The following B3GLCT variants were observed in gnomAD, a reference collection of about 807,000 sequenced individuals.
B3GLCT encodes beta 3-glucosyltransferase.
A neutral mutation model predicts 63.4 loss-of-function variants in B3GLCT; 65 were observed. The observed-to-expected ratio is 1.03, with a 90% CI of 0.84 to 1.26. The LOEUF (loss-of-function observed/expected upper bound fraction) is 1.26, where lower values mean the gene tolerates loss of function less well. B3GLCT is among the 50% of genes most tolerant of loss of function. B3GLCT has a pLI of 0.00. For synonymous variants in B3GLCT, 233 were observed against 219.2 expected (o/e 1.06, Z -0.55); for missense variants, 577 against 604.8 (o/e 0.95, Z 0.48).
chr13:31,328,329 C>T (rs1300013777), intron 14 of B3GLCT, among the ~76,000 whole-genome samples: 1 of 152,120 alleles, frequency 6.6e-6, no homozygotes, highest in East Asian at 1.9e-4. Context: ...GTAGTCAAGA[C>T]AATTTTAGTA....
At chr13:31,206,690 T>C (rs996265586) in intron 1 of B3GLCT, among the ~76,000 whole-genome samples, 1 of 147,250 alleles carries the variant, frequency 6.8e-6, no homozygotes, top group African/African-American at 2.5e-5. Context: ...TGAGCCAAGA[T>C]CATGCCATTG....
intron 12 of B3GLCT, among the ~76,000 whole-genome samples, chr13:31,297,773 C>A (rs572258543): frequency 6.6e-6 from 1 of 152,254 alleles, no homozygotes; most frequent in Admixed American, 6.5e-5. Flanking sequence ...GTTCTTACAA[C>A]CTCCTCTGTG....
At chr13:31,277,231 A>T (rs919201339) in intron 10 of B3GLCT, among the ~76,000 whole-genome samples, 1 of 151,884 alleles carries the variant, frequency 6.6e-6, no homozygotes, top group Non-Finnish European at 1.5e-5. Context: ...TAGTTAAGAG[A>T]TGTATTTGCT....
intron 8 of B3GLCT, among the ~76,000 whole-genome samples, chr13:31,270,934 AAG>A (rs3067589): frequency 0.024 from 3,625 of 152,326 alleles, 144 homozygotes; most frequent in African/African-American, 0.081. Context: ...GCTCTCAGCA[AAG>A]AGAGGGGGTC....
intron 10 of B3GLCT, among the ~76,000 whole-genome samples, chr13:31,283,597 G>GTTT (rs5802600): frequency 6.7e-6 from 1 of 148,826 alleles, no homozygotes; most frequent in African/African-American, 2.5e-5. Flanking sequence ...GCAGAACTCA[G>GTTT]TTTTTTTAAA....
At chr13:31,254,883 A>G (rs1428175156) in intron 6 of B3GLCT, among the ~76,000 whole-genome samples, 2 of 152,082 alleles carry the variant, frequency 1.3e-5, no homozygotes, top group Non-Finnish European at 2.9e-5. Context: ...TAAAAATACA[A>G]AAAATTAGCT....
At chr13:31,261,660 A>G (rs981861980) in intron 7 of B3GLCT, among the ~76,000 whole-genome samples, 2 of 152,208 alleles carry the variant, frequency 1.3e-5, no homozygotes, top group Non-Finnish European at 2.9e-5. Context: ...GTTGTTGACA[A>G]GCCCTTCAGA....
chr13:31,244,219 C>T lies in B3GLCT; in HGVS notation c.271-2804C>T, dbSNP rs149851358. ...TAAAAACTTGCTTTGAGACTGGGCACGGTGGCTCATGCCTGTAATCCCAGC... is the reference window on the plus strand; with the variant it reads ...TAAAAACTTGCTTTGAGACTGGGCATGGTGGCTCATGCCTGTAATCCCAGC... On this transcript the variant is annotated intron_variant, in intron 4 of 14. Transcript: ENST00000343307. Among the ~76,000 whole-genome samples, 141 of 152,276 alleles carry T rather than the reference C, an allele frequency of 9.3e-4. 3 individuals carry two copies. The East Asian group carries it at 0.011, about 12-fold the overall frequency.
At chr13:31,282,649 C>CAAA (rs11333268) in intron 10 of B3GLCT, among the ~76,000 whole-genome samples, 1,740 of 130,026 alleles carry the variant, frequency 0.013, 42 homozygotes, top group African/African-American at 0.049. Context: ...GACTCTGTCT[C>CAAA]AAAAAAAAAA....
At chr13:31,290,746 G>A (rs1427570419) in intron 12 of B3GLCT, among the ~76,000 whole-genome samples, 1 of 152,092 alleles carries the variant, frequency 6.6e-6, no homozygotes, top group African/African-American at 2.4e-5. Context: ...GTTCTTTGTA[G>A]ATTCTGGATA....
At position 31,292,819 on chromosome 13, in the gene B3GLCT, T is replaced by C. The variant is rs1873747311; in HGVS notation, c.1064+6000T>C. Among the ~76,000 whole-genome samples, 3 of 152,238 alleles carry C rather than the reference T, an allele frequency of 2.0e-5. No individual in the cohort carries two copies. In the South Asian group the frequency reaches 6.2e-4, roughly 32 times the overall value. Reference sequence around the variant, plus strand: ...GTGTCTCTGTCTCCTTCAGTTCTGCTCTGATCTTAGTTATTTCTTGTCTTC... The same window carrying C: ...GTGTCTCTGTCTCCTTCAGTTCTGCCCTGATCTTAGTTATTTCTTGTCTTC... On this transcript the variant is annotated intron_variant, in intron 12 of 14. Transcript: ENST00000343307.
At chr13:31,316,431 A>ATATATATATATATATATATATATAT (rs1555255278) in intron 12 of B3GLCT, among the ~76,000 whole-genome samples, 283 of 109,864 alleles carry the variant, frequency 2.6e-3, no homozygotes, top group Middle Eastern at 4.7e-3. Flanking sequence ...ATATATATAT[A>ATATATATATATATATATATATATAT]AATTTTTTTT....
In B3GLCT at chr13:31,229,284, A is replaced by G. The variant is rs753689925; in HGVS notation, c.260A>G (p.Asp87Gly). The G allele has an allele frequency of 1.2e-6, 2 of 1,601,110 alleles. No individual in the cohort carries two copies. Among genetic ancestry groups the G allele is most frequent in the Non-Finnish European group, 8.6e-7 (1 of 1,168,138 alleles). ...AAAAGCATCTTAAAGCAGGCTGCAG[A>G]TCTTACACAGGTACGTAGCGATGGC... ...LKKSILKQAA[D>G]LTQELPSVLL... The change falls in exon 4 of 15, where the codon GAT becomes GGT. Residue 87 changes from aspartate to glycine, a missense_variant. Coordinates refer to ENST00000343307, the MANE Select transcript of B3GLCT (RefSeq NM_194318.4).
chr13:31,238,888 CG>C (rs1566056549), intron 4 of B3GLCT, among the ~76,000 whole-genome samples: 1 of 152,122 alleles, frequency 6.6e-6, no homozygotes, highest in East Asian at 1.9e-4. Flanking sequence ...TTGAGAATGA[CG>C]ATAACGTGTT....
At chr13:31,286,622 TA>T in intron 11 of B3GLCT, 97 bp from the exon 12 acceptor site, 1 of 833,718 alleles carries the variant, frequency 1.2e-6, no homozygotes, top group Non-Finnish European at 1.9e-6. Context: ...TTTTGGCATG[TA>T]AGCTCTTAGA....
At chr13:31,272,982 A>C (rs775506157) in intron 8 of B3GLCT, among the ~76,000 whole-genome samples, 1 of 152,094 alleles carries the variant, frequency 6.6e-6, no homozygotes, top group Non-Finnish European at 1.5e-5. Flanking sequence ...TTCTTTAACA[A>C]TATTTATTTC....
At chr13:31,278,523 G>A (rs936709372) in intron 10 of B3GLCT, among the ~76,000 whole-genome samples, 7 of 152,074 alleles carry the variant, frequency 4.6e-5, no homozygotes. Context: ...AAAGCATGAG[G>A]CCTAAAATGT....
At position 31,229,191 on chromosome 13, in the gene B3GLCT, A is replaced by C; in HGVS notation, c.167A>C (p.Lys56Thr). ...GISRKNDIDL[K>T]GIVFVIQSQS... Reference sequence around the variant, plus strand: ...CTATTTTTTTTTGTTCTAGACTTAAAAGGAATTGTATTCGTCATCCAGAGT... The same window carrying C: ...CTATTTTTTTTTGTTCTAGACTTAACAGGAATTGTATTCGTCATCCAGAGT... Residue 56 changes from lysine (K) to threonine (T), a missense_variant, in exon 4 of 15, where the codon AAA (lysine) becomes ACA (threonine). Lys to Thr is a moderately conservative substitution (Grantham distance 78). Transcript: ENST00000343307. 1 of 1,596,506 alleles carries C rather than the reference A, an allele frequency of 6.3e-7. No homozygotes were observed. Among genetic ancestry groups the C allele is most frequent in the Non-Finnish European group, 8.6e-7 (1 of 1,164,044 alleles).
intron 13 of B3GLCT, 37 bp downstream of exon 13, chr13:31,317,722 C>T (rs1169758893): frequency 6.2e-7 from 1 of 1,612,898 alleles, no homozygotes; most frequent in Non-Finnish European, 8.5e-7. Context: ...CTACTTTAAA[C>T]ATAAACTTCC....
Sources: allele counts gnomAD v4.1 joint callset (sites outside exome capture counted in the v4.1 genomes callset), GRCh38; gene constraint gnomAD v4.1.1; transcripts MANE v1.5; gene names NCBI Gene and HGNC (gene_info 2026-07-23, HGNC 2026-07-21).